PIGN: variants seen among roughly 807,000 people sequenced by gnomAD.
PIGN encodes GPI ethanolamine phosphate transferase 1.
In PIGN, 117 loss-of-function variants were observed where a neutral mutation model predicts 125.4. The ratio of observed to expected loss-of-function variants is 0.93; its 90% CI spans 0.80 to 1.09. PIGN has a LOEUF of 1.09. Ranked by LOEUF, PIGN falls within the 50% of genes least tolerant of loss-of-function variation. PIGN has a pLI of 0.00. For synonymous variants in PIGN, 392 were observed against 377.8 expected (o/e 1.04, Z -0.44); for missense variants, 1,075 against 1,094.9 (o/e 0.98, Z 0.26).
chr18:62,088,571 A>T (rs1568161573), intron 25 of PIGN, 185 bp downstream of exon 25: 1 of 433,320 alleles, frequency 2.3e-6, no homozygotes, highest in Non-Finnish European at 4.1e-6. Flanking sequence ...ACATACATAA[A>T]ATTATTTATA....
intron 25 of PIGN, among the ~76,000 whole-genome samples, chr18:62,086,158 A>T (rs1404160193): frequency 6.6e-6 from 1 of 152,232 alleles, no homozygotes; most frequent in Non-Finnish European, 1.5e-5. Context: ...GGTGACTAAG[A>T]TATGATGACA....
intron 28 of PIGN, among the ~76,000 whole-genome samples, chr18:62,077,487 G>GT: frequency 6.6e-6 from 1 of 152,166 alleles, no homozygotes; most frequent in African/African-American, 2.4e-5. Flanking sequence ...TTATATTACT[G>GT]TGTGACACAG....
chr18:62,162,516 G>A (rs2036991274), intron 2 of PIGN, 187 bp from the exon 3 acceptor site: 1 of 151,972 alleles, frequency 6.6e-6, no homozygotes, highest in African/African-American at 2.4e-5. Flanking sequence ...AAATAACCTT[G>A]CAAAAACAAA....
At chr18:62,139,718 G>C (rs2036067687) in intron 12 of PIGN, among the ~76,000 whole-genome samples, 1 of 152,144 alleles carries the variant, frequency 6.6e-6, no homozygotes, top group Non-Finnish European at 1.5e-5. Flanking sequence ...CCAGGGACCT[G>C]CTGATTACAA....
At chr18:62,084,278 C>T (rs2033585004) in intron 27 of PIGN, among the ~76,000 whole-genome samples, 1 of 152,182 alleles carries the variant, frequency 6.6e-6, no homozygotes, top group Non-Finnish European at 1.5e-5. Flanking sequence ...TTCCCACAGG[C>T]TTTAATCACA....
At position 62,136,843 on chromosome 18, in the gene PIGN, G is replaced by A. The variant is rs1378673094; in HGVS notation, c.1172+1400C>T. ...TATGCAGTCAGTAGTGCAGAGCCAG[G>A]TCTGTGATCTAGATCTTCCCTTTCC... On this transcript the variant is annotated intron_variant, in intron 14 of 30. Transcript: ENST00000640252. The A allele has an allele frequency of 1.3e-5, 5 of 380,278 alleles. No homozygotes were observed. In the Admixed American group the frequency reaches 1.4e-4, roughly 10 times the overall value. 23.6% of individuals were successfully genotyped at this position (380,278 alleles called of 1,614,324 possible).
chr18:62,167,767 G>T lies in PIGN; in HGVS notation c.-235-4111C>A, dbSNP rs1033240629. On this transcript the variant is annotated intron_variant, in intron 1 of 30. Coordinates refer to ENST00000640252, the MANE Select transcript of PIGN (RefSeq NM_176787.5). ...TAACTTATTGTAGATAATATATTAT[G>T]AAATTTACATTTTCCTGATGATCAA... Among the ~76,000 whole-genome samples the T allele has an allele frequency of 1.5e-4, 23 of 151,444 alleles. No individual in the cohort carries two copies. The East Asian group carries it at 4.5e-3, about 29-fold the overall frequency.
At chr18:62,082,894 CATG>C in intron 27 of PIGN, 148 bp from the exon 28 acceptor site, 2 of 560,472 alleles carry the variant, frequency 3.6e-6, no homozygotes, top group Non-Finnish European at 6.4e-6. Flanking sequence ...GAAATAAAAG[CATG>C]ATACCAATGG....
rs541003185 is a variant in PIGN at position 62,156,161 on chromosome 18, G to A, written c.442+968C>T. Among the ~76,000 whole-genome samples the A allele has an allele frequency of 2.6e-5, 4 of 152,196 alleles. No individual in the cohort carries two copies. In the East Asian group the frequency reaches 7.7e-4, roughly 29 times the overall value. On this transcript the variant is annotated intron_variant, in intron 6 of 30. Transcript: ENST00000640252. ...TAAATGAATTTTCTAATTAAGAGAT[G>A]TCCCAATATTTGCAGAATCATGCAT...
At chr18:62,076,991 T>C (rs62095279) in intron 28 of PIGN, among the ~76,000 whole-genome samples, 25,745 of 152,216 alleles carry the variant, frequency 0.17, 2,941 homozygotes, top group Middle Eastern at 0.28. Context: ...CTCCAATTAC[T>C]GCAGAGTTCT....
At chr18:62,132,777 C>G (rs1353688837) in intron 14 of PIGN, among the ~76,000 whole-genome samples, 1 of 152,138 alleles carries the variant, frequency 6.6e-6, no homozygotes, top group African/African-American at 2.4e-5. Context: ...CACACTTTTA[C>G]TTATTTTTAA....
chr18:62,109,397 A>T (rs1375352298), intron 17 of PIGN, among the ~76,000 whole-genome samples: 1 of 152,220 alleles, frequency 6.6e-6, no homozygotes, highest in Non-Finnish European at 1.5e-5. Flanking sequence ...ATTTATCTAG[A>T]TCTACACAAT....
intron 10 of PIGN, among the ~76,000 whole-genome samples, chr18:62,144,007 T>C (rs1335026313): frequency 1.3e-5 from 2 of 152,084 alleles, no homozygotes; most frequent in Non-Finnish European, 2.9e-5. Flanking sequence ...ATTTGTATAA[T>C]AAAATTTCAT....
intron 30 of PIGN, chr18:62,070,132 C>T (rs1421454158): frequency 3.1e-6 from 1 of 321,222 alleles, no homozygotes; most frequent in African/African-American, 2.1e-5. Context: ...TTAATTCATT[C>T]AAAATGACTA....
chr18:62,148,485 C>A, intron 7 of PIGN, 147 bp from the exon 8 acceptor site: 1 of 474,984 alleles, frequency 2.1e-6, no homozygotes, highest in Non-Finnish European at 3.7e-6. Context: ...ACCAACACAA[C>A]GTCTTTGCTA....
At chr18:62,037,602 G>A (rs574681167), downstream of PIGN, among the ~76,000 whole-genome samples, 138 of 152,366 alleles carry the variant, frequency 9.1e-4, 2 homozygotes, top group Admixed American at 3.9e-3. Context: ...CATGCTCTGT[G>A]TTCCTCTGCT....
intron 24 of PIGN, 145 bp from the exon 25 acceptor site, chr18:62,088,987 A>C: frequency 1.7e-6 from 1 of 578,556 alleles, no homozygotes. Flanking sequence ...ATAAACAATA[A>C]ATCTTTCCCT....
chr18:62,084,853 ATC>A (rs2033620373), intron 26 of PIGN, among the ~76,000 whole-genome samples: 2 of 152,342 alleles, frequency 1.3e-5, no homozygotes, highest in Admixed American at 1.3e-4. Context: ...CACGCCTGTA[ATC>A]CCAGCACTTT....
At chr18:62,125,103 CGTTTGT>C (rs1377320324) in intron 14 of PIGN, among the ~76,000 whole-genome samples, 1 of 130,920 alleles carries the variant, frequency 7.6e-6, no homozygotes, top group Non-Finnish European at 1.6e-5. Context: ...TATATATACA[CGTTTGT>C]ACATATGTGT....
Sources: allele counts gnomAD v4.1 joint callset (sites outside exome capture counted in the v4.1 genomes callset), GRCh38; gene constraint gnomAD v4.1.1; transcripts MANE v1.5; gene names NCBI Gene and HGNC (gene_info 2026-07-23, HGNC 2026-07-21).